The following CERS6 variants were observed in gnomAD, a reference collection of about 807,000 sequenced individuals.
CERS6 encodes the protein LAG1 homolog, ceramide synthase 6.
Under a neutral mutation model 56.8 loss-of-function variants are expected in CERS6, and 26 were observed. The observed-to-expected ratio is 0.46, with a 90% CI of 0.34 to 0.63. CERS6 has a LOEUF of 0.63. Ranked by LOEUF, CERS6 falls within the 30% of genes least tolerant of loss-of-function variation. The pLI is 0.01. For synonymous variants in CERS6, 164 were observed against 173.3 expected (o/e 0.95, Z 0.42); for missense variants, 415 against 467.5 (o/e 0.89, Z 1.04).
rs140989170 is a variant in CERS6, at chr2:168,615,481, A to G, written c.408-15504A>G. Among the ~76,000 whole-genome samples, 815 of 152,144 alleles carry G rather than the reference A, an allele frequency of 5.4e-3. 5 individuals are homozygous for G. Among genetic ancestry groups the G allele is most frequent in the Admixed American group, 0.02 (310 of 15,238 alleles). ...AAATAAAAAAAAAATGATAGAAGAA[A>G]TGAGGGAAGAAATCTTTAGTGAAAT... On this transcript the variant is annotated intron_variant, in intron 3 of 9. Transcript: ENST00000305747.
At chr2:168,471,151 C>T (rs1050669177) in intron 1 of CERS6, among the ~76,000 whole-genome samples, 1 of 152,192 alleles carries the variant, frequency 6.6e-6, no homozygotes, top group African/African-American at 2.4e-5. Context: ...ATCCTATTTG[C>T]CTAGTGCTTT....
intron 1 of CERS6, among the ~76,000 whole-genome samples, chr2:168,484,027 T>C (rs1006552680): frequency 2.0e-5 from 3 of 152,134 alleles, no homozygotes; most frequent in African/African-American, 4.8e-5. Context: ...TTCAAAATAT[T>C]GTACCAGTAT....
In CERS6 at chr2:168,461,830, C is replaced by G. The variant is rs140147898; in HGVS notation, c.170+5212C>G. Among the ~76,000 whole-genome samples, 88 of 152,246 alleles carry G rather than the reference C, an allele frequency of 5.8e-4. 1 individual carries two copies. In the East Asian group the frequency reaches 0.012, roughly 21 times the overall value. ...CTTCTCTGTTGAAAATATTTGAATTCTCTATGGACAGGGCTAGTTTTCTCT... is the reference window on the plus strand; with the variant it reads ...CTTCTCTGTTGAAAATATTTGAATTGTCTATGGACAGGGCTAGTTTTCTCT... On this transcript the variant is annotated intron_variant, in intron 1 of 9. Coordinates refer to ENST00000305747, the MANE Select transcript of CERS6 (RefSeq NM_203463.3).
intron 3 of CERS6, among the ~76,000 whole-genome samples, chr2:168,569,924 T>C (rs1264245995): frequency 1.3e-5 from 2 of 152,184 alleles, no homozygotes; most frequent in African/African-American, 2.4e-5. Context: ...GTCTTGCCCA[T>C]GGTATGGGGG....
At chr2:168,647,425 T>A (rs1022289359) in intron 4 of CERS6, among the ~76,000 whole-genome samples, 1 of 152,182 alleles carries the variant, frequency 6.6e-6, no homozygotes, top group African/African-American at 2.4e-5. Flanking sequence ...GCCAAGCTTT[T>A]GGGTTTTCTA....
intron 1 of CERS6, among the ~76,000 whole-genome samples, chr2:168,462,893 A>C (rs1014803920): frequency 1.1e-4 from 16 of 152,164 alleles, no homozygotes; most frequent in Non-Finnish European, 5.9e-5. Flanking sequence ...GGATGATTGG[A>C]TGCATGGTCT....
At chr2:168,727,535 G>A (rs1469103764) in intron 8 of CERS6, among the ~76,000 whole-genome samples, 7 of 146,712 alleles carry the variant, frequency 4.8e-5, no homozygotes, top group Admixed American at 1.4e-4. Context: ...GAGACAGAGC[G>A]AGACTCCATC....
rs192116006 is a variant in CERS6, at chr2:168,540,234, G to A, written c.171-7362G>A. Among the ~76,000 whole-genome samples, 110 of 152,072 alleles carry A rather than the reference G, an allele frequency of 7.2e-4. 3 individuals carry two copies. Among genetic ancestry groups the A allele is most frequent in the Non-Finnish European group, 2.5e-4 (17 of 67,986 alleles). ...TTATGGGGGGTGGAGGGTTGGAGGG[G>A]ACTCTACATATACAATAGTGGTCCT... On this transcript the variant is annotated intron_variant, in intron 1 of 9. Coordinates refer to ENST00000305747, the MANE Select transcript of CERS6 (RefSeq NM_203463.3).
At chr2:168,661,133 C>A (rs1313577064) in intron 4 of CERS6, among the ~76,000 whole-genome samples, 2 of 151,964 alleles carry the variant, frequency 1.3e-5, no homozygotes, top group Non-Finnish European at 2.9e-5. Flanking sequence ...TATCTGTGTC[C>A]CAGGAGGATG....
At chr2:168,707,520 AAGTG>A (rs1686987763) in intron 6 of CERS6, among the ~76,000 whole-genome samples, 1 of 152,192 alleles carries the variant, frequency 6.6e-6, no homozygotes. Context: ...CATAAGAAAA[AAGTG>A]AGTTCTAGTT....
At chr2:168,473,325 C>T (rs573136474) in intron 1 of CERS6, among the ~76,000 whole-genome samples, 1 of 152,020 alleles carries the variant, frequency 6.6e-6, no homozygotes, top group East Asian at 1.9e-4. Context: ...TATTGTGCTG[C>T]TATCTCTGTT....
chr2:168,730,290 T>C (rs1246686072), intron 8 of CERS6, among the ~76,000 whole-genome samples: 1 of 152,228 alleles, frequency 6.6e-6, no homozygotes, highest in Non-Finnish European at 1.5e-5. Context: ...AAGTGGATTG[T>C]CAGTGAATTG....
At chr2:168,533,772 TG>T (rs1442787379) in intron 1 of CERS6, among the ~76,000 whole-genome samples, 2 of 152,182 alleles carry the variant, frequency 1.3e-5, no homozygotes, top group Non-Finnish European at 2.9e-5. Context: ...CTTGCTAGGT[TG>T]GGGAAGTTAT....
At chr2:168,656,112 C>A (rs527785786) in intron 4 of CERS6, among the ~76,000 whole-genome samples, 24 of 152,220 alleles carry the variant, frequency 1.6e-4, no homozygotes, top group Non-Finnish European at 2.9e-4. Flanking sequence ...CTAAATAGGT[C>A]CTAGAGGGTT....
At chr2:168,570,211 G>T (rs2105387975) in intron 3 of CERS6, among the ~76,000 whole-genome samples, 1 of 152,248 alleles carries the variant, frequency 6.6e-6, no homozygotes, top group East Asian at 1.9e-4. Context: ...GGATTCACAG[G>T]ACTATCAACT....
rs114768181 is a variant in CERS6 at position 168,771,050 on chromosome 2, T to A, written c.*1388T>A. The A allele has an allele frequency of 1.3e-4, 20 of 152,194 alleles. No individual in the cohort carries two copies. Among genetic ancestry groups the A allele is most frequent in the Non-Finnish European group, 2.8e-4 (19 of 68,004 alleles). 9.4% of individuals were successfully genotyped at this position (152,194 alleles called of 1,614,324 possible). On this transcript the variant is annotated 3_prime_UTR_variant, in exon 10 of 10. Transcript: ENST00000305747. ...TTTTATCTCTTCTTCTAACTTTTAG[T>A]AAGAGGAAAAAGGGATTATAAAACC...
chr2:168,731,688 A>T (rs575021530), intron 8 of CERS6, among the ~76,000 whole-genome samples: 1 of 152,192 alleles, frequency 6.6e-6, no homozygotes, highest in South Asian at 2.1e-4. Flanking sequence ...TTCTGGCATA[A>T]CGATTTTAAA....
At chr2:168,612,189 C>T (rs137967029) in intron 3 of CERS6, among the ~76,000 whole-genome samples, 23 of 152,190 alleles carry the variant, frequency 1.5e-4, no homozygotes, top group African/African-American at 4.8e-4. Flanking sequence ...AGGGAGTGCC[C>T]AGGATCAAAC....
At chr2:168,746,774 G>GGTATAT (rs1684106806) in intron 8 of CERS6, among the ~76,000 whole-genome samples, 1 of 33,344 alleles carries the variant, frequency 3.0e-5, no homozygotes, top group African/African-American at 1.0e-4. Context: ...AAGGGTAAAG[G>GGTATAT]GTATATATAT....
Sources: allele counts gnomAD v4.1 joint callset (sites outside exome capture counted in the v4.1 genomes callset), GRCh38; gene constraint gnomAD v4.1.1; transcripts MANE v1.5; gene names NCBI Gene and HGNC (gene_info 2026-07-23, HGNC 2026-07-21).